Variants in POLR3B observed in about 807,000 individuals in gnomAD.
The protein encoded by POLR3B is DNA-directed RNA polymerase III subunit RPC2.
A neutral mutation model predicts 147.4 loss-of-function variants in POLR3B; 96 were observed. That is an observed-to-expected ratio of 0.65 (90% CI 0.55 to 0.77). POLR3B has a LOEUF of 0.77. POLR3B is among the 30% of genes least tolerant of loss of function. The pLI is 0.00. For missense variants in POLR3B, 1,036 were observed against 1,413.5 expected (o/e 0.73, Z 4.28); for synonymous variants, 461 against 485.9 (o/e 0.95, Z 0.67).
At chr12:106,409,506 A>G (rs1353449078) in intron 11 of POLR3B, among the ~76,000 whole-genome samples, 6 of 151,700 alleles carry the variant, frequency 4.0e-5, no homozygotes, top group Admixed American at 2.6e-4. Flanking sequence ...CTTTTAACAC[A>G]TTCCAGAGTT....
At chr12:106,447,540 C>G (rs2037739435) in intron 19 of POLR3B, among the ~76,000 whole-genome samples, 1 of 152,134 alleles carries the variant, frequency 6.6e-6, no homozygotes, top group Admixed American at 6.5e-5. Context: ...AGGTGGACAT[C>G]TGGAAATGGC....
intron 12 of POLR3B, among the ~76,000 whole-genome samples, chr12:106,419,199 G>C (rs935972071): frequency 2.6e-5 from 4 of 152,106 alleles, no homozygotes; most frequent in African/African-American, 9.7e-5. Flanking sequence ...CTTTCCAAGA[G>C]TGAAACTGCT....
intron 14 of POLR3B, 55 bp from the exon 15 acceptor site, chr12:106,432,263 T>G (rs1196495775): frequency 6.6e-7 from 1 of 1,511,646 alleles, no homozygotes; most frequent in Non-Finnish European, 9.2e-7. Context: ...AGATGTAAAC[T>G]GTACTTTGTA....
rs886048901 is a variant in POLR3B at position 106,501,425 on chromosome 12, C to T, written c.3087C>T (p.Ala1029=). The T allele has an allele frequency of 6.2e-6, 10 of 1,600,304 alleles. No individual in the cohort carries two copies. Among genetic ancestry groups the T allele is most frequent in the South Asian group, 3.3e-5 (3 of 90,748 alleles). The change falls in exon 26 of 28, where the codon GCC becomes GCT. Residue 1029 remains alanine (A), a synonymous_variant. Transcript: ENST00000228347. ...ATGCCCGGGCCCGGGGCCCACGAGC[C>T]GTCCTTACCAGGTAAGAGAAAAGTA... ...KMHARARGPR[A]VLTRQPTEGR...
At chr12:106,400,714 C>G (rs557939535) in intron 10 of POLR3B, among the ~76,000 whole-genome samples, 1 of 152,182 alleles carries the variant, frequency 6.6e-6, no homozygotes, top group Non-Finnish European at 1.5e-5. Flanking sequence ...ACAACCTGCT[C>G]CTGAATGACT....
At chr12:106,431,439 C>A (rs564651507) in intron 14 of POLR3B, among the ~76,000 whole-genome samples, 1 of 152,312 alleles carries the variant, frequency 6.6e-6, no homozygotes, top group South Asian at 2.1e-4. Flanking sequence ...CCTGAAGATA[C>A]AATCTTACAA....
intron 23 of POLR3B, among the ~76,000 whole-genome samples, chr12:106,495,479 G>C (rs140209561): frequency 9.7e-4 from 147 of 152,308 alleles, no homozygotes; most frequent in African/African-American, 3.3e-3. Context: ...ACTCAGCCAG[G>C]GGAAGCCCTA....
chr12:106,454,207 T>C (rs2037835275), intron 19 of POLR3B, among the ~76,000 whole-genome samples: 1 of 152,190 alleles, frequency 6.6e-6, no homozygotes, highest in Admixed American at 6.5e-5. Context: ...ATTGTGAAAT[T>C]AACCAGTGGA....
chr12:106,376,626 T>C (rs1002505026), intron 7 of POLR3B, among the ~76,000 whole-genome samples, 176 bp downstream of exon 7: 1 of 136,898 alleles, frequency 7.3e-6, no homozygotes, highest in Non-Finnish European at 1.5e-5. Context: ...TATTTCTTTC[T>C]TTCTTTTTTG....
chr12:106,477,525 G>T (rs1273676204), intron 23 of POLR3B, among the ~76,000 whole-genome samples: 1 of 151,196 alleles, frequency 6.6e-6, no homozygotes. Flanking sequence ...GACTCCGTGG[G>T]CGTAGGACCC....
At chr12:106,392,252 G>A (rs376247762) in intron 9 of POLR3B, among the ~76,000 whole-genome samples, 14 of 151,962 alleles carry the variant, frequency 9.2e-5, no homozygotes, top group East Asian at 7.7e-4. Flanking sequence ...AACCTCCACC[G>A]CCCGGGTTCA....
In POLR3B at chr12:106,427,257, G is replaced by A; in HGVS notation, c.1162G>A (p.Ala388Thr). Residue 388 changes from alanine (A) to threonine (T), a missense_variant, in exon 13 of 28, where the codon GCC (alanine) becomes ACC (threonine). Physicochemically the swap from Ala to Thr is moderately conservative, Grantham distance 58. This residue lies in a region of POLR3B where 89 missense variants were observed against 110.9 expected (regional missense o/e 0.80). Transcript: ENST00000228347. ...KKFNSEMKKIADQVIPKQRAA... is the reference protein window; with the variant it reads ...KKFNSEMKKITDQVIPKQRAA... Reference sequence around the variant, plus strand: ...ATTTAATTCTGAAATGAAAAAGATTGCCGACCAGGTGATTCCTAAGCAAAG... The same window carrying A: ...ATTTAATTCTGAAATGAAAAAGATTACCGACCAGGTGATTCCTAAGCAAAG... 6.2e-7 allele frequency: 1 copy of A among 1,606,106 alleles called. No homozygotes were observed.
chr12:106,491,855 A>T (rs1321878729), intron 23 of POLR3B, among the ~76,000 whole-genome samples: 1 of 152,224 alleles, frequency 6.6e-6, no homozygotes, highest in African/African-American at 2.4e-5. Flanking sequence ...TCAGAAAAGG[A>T]AGAGTAATAA....
At chr12:106,415,377 T>A (rs2037287706) in intron 12 of POLR3B, among the ~76,000 whole-genome samples, 1 of 152,156 alleles carries the variant, frequency 6.6e-6, no homozygotes, top group Non-Finnish European at 1.5e-5. Context: ...AGAGTCTATG[T>A]TGTTGGTGAC....
At chr12:106,493,014 G>A (rs780105057) in intron 23 of POLR3B, among the ~76,000 whole-genome samples, 17 of 152,204 alleles carry the variant, frequency 1.1e-4, no homozygotes, top group Non-Finnish European at 2.1e-4. Flanking sequence ...ATTGCTGGGA[G>A]GCTGTGCTGT....
intron 9 of POLR3B, among the ~76,000 whole-genome samples, chr12:106,387,216 C>A (rs753331643): frequency 2.0e-5 from 3 of 152,076 alleles, no homozygotes; most frequent in Non-Finnish European, 2.9e-5. Context: ...TTATTTTTTT[C>A]ACTTAACAGT....
intron 12 of POLR3B, among the ~76,000 whole-genome samples, chr12:106,415,778 A>G (rs75782065): frequency 0.018 from 2,722 of 152,310 alleles, 82 homozygotes; most frequent in East Asian, 0.13. Context: ...CATTCTTAGT[A>G]AACATTTAAA....
At position 106,460,853 on chromosome 12, in the gene POLR3B, C is replaced by A. The variant is rs929890427; in HGVS notation, c.2570+1485C>A. Among the ~76,000 whole-genome samples the A allele has an allele frequency of 3.3e-5, 5 of 152,076 alleles. No homozygotes were observed. The South Asian group carries it at 8.3e-4, about 25-fold the overall frequency. On this transcript the variant is annotated intron_variant, in intron 22 of 27. Coordinates refer to ENST00000228347, the MANE Select transcript of POLR3B (RefSeq NM_018082.6). ...AGAAAATGTGCTCAGATACTTTTTA[C>A]CTTTAAAGGAAAATGAAAGTTTTTC...
At chr12:106,448,485 G>GGAGT (rs1249628745) in intron 19 of POLR3B, among the ~76,000 whole-genome samples, 1 of 124,324 alleles carries the variant, frequency 8.0e-6, no homozygotes, top group Non-Finnish European at 1.6e-5. Context: ...CACCCAGGCT[G>GGAGT]GAGTGCAGTG....
Sources: gnomAD v4.1 joint callset for allele counts (sites outside exome capture counted in the v4.1 genomes callset) on GRCh38, gnomAD v4.1.1 for gene constraint, gnomAD v4.1.1 regional missense constraint, MANE v1.5 for transcripts, NCBI Gene and HGNC (gene_info 2026-07-23, HGNC 2026-07-21) for gene names.